Variants in MPHOSPH9 observed in about 807,000 individuals in gnomAD.
MPHOSPH9 encodes M-phase phosphoprotein 9.
MPHOSPH9 carries 88 observed loss-of-function variants against 145.5 expected under a neutral mutation model. The observed-to-expected ratio is 0.60, with a 90% confidence interval of 0.51 to 0.72. The LOEUF is 0.72. MPHOSPH9 is among the 30% of genes least tolerant of loss of function. The probability of loss-of-function intolerance (pLI) is 0.00; values close to 1 mark genes in which losing one functional copy is unlikely to be tolerated. For missense variants in MPHOSPH9, 1,238 were observed against 1,386.6 expected (o/e 0.89, Z 1.70); for synonymous variants, 435 against 486.2 (o/e 0.89, Z 1.39).
At chr12:123,180,246 A>C (rs2045066384) in intron 14 of MPHOSPH9, among the ~76,000 whole-genome samples, 1 of 152,312 alleles carries the variant, frequency 6.6e-6, no homozygotes, top group African/African-American at 2.4e-5. Context: ...CTTAATTAGA[A>C]ACAAATCAGT....
intron 13 of MPHOSPH9, among the ~76,000 whole-genome samples, chr12:123,193,048 G>T (rs2045761084): frequency 7.2e-6 from 1 of 139,054 alleles, no homozygotes; most frequent in Non-Finnish European, 1.5e-5. Flanking sequence ...CTCCAGCCTG[G>T]GCGACAGAGA....
intron 17 of MPHOSPH9, chr12:123,165,726 G>C (rs2044290692): frequency 2.7e-6 from 1 of 364,500 alleles, no homozygotes; most frequent in Admixed American, 4.2e-5. Context: ...CCAAGGAAAG[G>C]CCATGTGAGG....
At chr12:123,175,196 G>A (rs1039611648) in intron 16 of MPHOSPH9, among the ~76,000 whole-genome samples, 12 of 151,674 alleles carry the variant, frequency 7.9e-5, no homozygotes, top group African/African-American at 2.9e-4. Flanking sequence ...TGTCTCCCAG[G>A]CTGGAGTGCA....
chr12:123,175,122 G>A (rs1267663296), intron 16 of MPHOSPH9, among the ~76,000 whole-genome samples: 2 of 151,430 alleles, frequency 1.3e-5, no homozygotes, highest in African/African-American at 2.4e-5. Context: ...ACCTTCAAAG[G>A]CTTCCCAATG....
In MPHOSPH9 at chr12:123,161,377, GT is replaced by G; in HGVS notation, c.3139del (p.Thr1047LeufsTer24). On this transcript the variant is annotated frameshift_variant, in exon 22 of 24. Transcript: ENST00000606320. LOFTEE classifies it high-confidence loss of function. The stretch of plus-strand genomic sequence containing the variant: ...GTTATCGGTGGCTTTCTCAGAATAA[GT>G]TTTTTCTGTCAGAGAGGAGAGAAAT... ...FLPLDDSEEK[T>X]YSEKATDNHV... The G allele has an allele frequency of 6.2e-7, 1 of 1,613,708 alleles. No homozygotes were observed. The highest frequency in any genetic ancestry group is 1.1e-5 in the South Asian group (1 of 91,022).
chr12:123,169,286 G>A (rs1177027587), intron 16 of MPHOSPH9, among the ~76,000 whole-genome samples: 1 of 150,560 alleles, frequency 6.6e-6, no homozygotes, highest in Non-Finnish European at 1.5e-5. Context: ...ACGAGGTCAG[G>A]AGCTCGAGAC....
intron 2 of MPHOSPH9, among the ~76,000 whole-genome samples, chr12:123,229,520 T>C (rs957573400): frequency 6.6e-6 from 1 of 152,258 alleles, no homozygotes; most frequent in African/African-American, 2.4e-5. Context: ...GAGTCTGTTA[T>C]TGTCTTAACT....
At chr12:123,182,935 C>A (rs1398368524) in intron 13 of MPHOSPH9, among the ~76,000 whole-genome samples, 1 of 138,248 alleles carries the variant, frequency 7.2e-6, no homozygotes, top group Non-Finnish European at 1.6e-5. Context: ...AATAAGAGGC[C>A]GGGCGTGGTA....
chr12:123,209,775 C>CA (rs2046624181), intron 8 of MPHOSPH9, among the ~76,000 whole-genome samples: 3 of 130,450 alleles, frequency 2.3e-5, no homozygotes, highest in African/African-American at 8.3e-5. Flanking sequence ...CTTGCTCTGT[C>CA]ACCCAGGCTG....
chr12:123,168,396 C>T (rs1168662244), intron 16 of MPHOSPH9, among the ~76,000 whole-genome samples: 7 of 148,710 alleles, frequency 4.7e-5, no homozygotes, highest in African/African-American at 1.0e-4. Flanking sequence ...GGCTGGAGTA[C>T]GGTGGCGTGA....
intron 7 of MPHOSPH9, among the ~76,000 whole-genome samples, chr12:123,213,484 C>G (rs1438769026): frequency 6.6e-6 from 1 of 152,018 alleles, no homozygotes; most frequent in Non-Finnish European, 1.5e-5. Context: ...GCACTACAGG[C>G]GCATCACCAT....
At chr12:123,161,087 A>C in intron 22 of MPHOSPH9, 49 bp downstream of exon 22, 3 of 1,593,076 alleles carry the variant, frequency 1.9e-6, no homozygotes, top group Non-Finnish European at 2.6e-6. Flanking sequence ...CCTTAGACAT[A>C]AGCATTAAGT....
rs769293676 is a variant in MPHOSPH9, at chr12:123,181,144, A to G, written c.2289+19T>C. ...TCTGCCTCTGCATGAAATCTAGAAC[A>G]TGAACCATTACCCCTTACCTTTACT... On this transcript the variant is annotated intron_variant, in intron 14 of 23. Transcript: ENST00000606320. 3.8e-6 allele frequency: 6 copies of G among 1,595,916 alleles called. No individual in the cohort carries two copies. Among genetic ancestry groups the G allele is most frequent in the Non-Finnish European group, 3.4e-6 (4 of 1,163,512 alleles).
chr12:123,193,118 C>T (rs866886544), intron 13 of MPHOSPH9, among the ~76,000 whole-genome samples: 3,234 of 126,666 alleles, frequency 0.026, 92 homozygotes, highest in East Asian at 0.09. Flanking sequence ...TACACACACA[C>T]ACACACACAC....
intron 1 of MPHOSPH9, chr12:123,240,840 TCTCC>T (rs2047923888): frequency 6.6e-6 from 1 of 150,874 alleles, no homozygotes; most frequent in Admixed American, 6.6e-5. Context: ...TTGAAGCGAT[TCTCC>T]TGCCTCAGCC....
chr12:123,181,160 TA>T lies in MPHOSPH9; in HGVS notation c.2289+2del. The T allele has an allele frequency of 6.2e-7, 1 of 1,610,546 alleles. No individual in the cohort carries two copies. Among genetic ancestry groups the T allele is most frequent in the East Asian group, 2.2e-5 (1 of 44,850 alleles). On this transcript the variant is annotated splice_donor_variant, in intron 14 of 23. Transcript: ENST00000606320. LOFTEE classifies it high-confidence loss of function. ...ATCTAGAACATGAACCATTACCCCT[TA>T]CCTTTACTCTCCTGTGTTCTTTTCC...
chr12:123,205,902 A>G (rs1276980242), intron 8 of MPHOSPH9, among the ~76,000 whole-genome samples: 1 of 152,194 alleles, frequency 6.6e-6, no homozygotes, highest in Non-Finnish European at 1.5e-5. Flanking sequence ...AATAGGTATC[A>G]GCAGCTTGGA....
intron 13 of MPHOSPH9, among the ~76,000 whole-genome samples, chr12:123,190,885 ATGT>A (rs2045648066): frequency 6.6e-6 from 1 of 152,322 alleles, no homozygotes; most frequent in South Asian, 2.1e-4. Context: ...TATGCTTGAA[ATGT>A]TGTATATGAT....
chr12:123,220,959 G>A (rs1309670040), intron 5 of MPHOSPH9, among the ~76,000 whole-genome samples: 3 of 152,114 alleles, frequency 2.0e-5, no homozygotes, highest in Non-Finnish European at 4.4e-5. Context: ...GGAGACTGAG[G>A]CAGAAGAATG....
Sources: allele counts gnomAD v4.1 joint callset (sites outside exome capture counted in the v4.1 genomes callset), GRCh38; gene constraint gnomAD v4.1.1; transcripts MANE v1.5; gene names NCBI Gene and HGNC (gene_info 2026-07-23, HGNC 2026-07-21).